SPECC1L: variants seen among roughly 807,000 people sequenced by gnomAD.
SPECC1L encodes sperm antigen with calponin homology and coiled-coil domains 1 like.
In SPECC1L, 40 loss-of-function variants were observed where a neutral mutation model predicts 116.8. The observed-to-expected ratio is 0.34, with a 90% confidence interval of 0.27 to 0.45. The LOEUF (loss-of-function observed/expected upper bound fraction) is 0.45, where lower values mean the gene tolerates loss of function less well. SPECC1L is among the 20% of genes least tolerant of loss of function. The pLI is 1.00. For missense variants in SPECC1L, 1,110 were observed against 1,373.6 expected (o/e 0.81, Z 3.03); for synonymous variants, 504 against 500.6 (o/e 1.01, Z -0.09).
intron 14 of SPECC1L, among the ~76,000 whole-genome samples, chr22:24,383,792 A>ATTTTTTTTTTTTTTTTTTTTTTTT: frequency 1.3e-5 from 1 of 77,334 alleles, no homozygotes; most frequent in Admixed American, 1.4e-4. Flanking sequence ...ACCCACCACT[A>ATTTTTTTTTTTTTTTTTTTTTTTT]TTTTTTTTTT....
chr22:24,317,584 G>T (rs1181322782), intron 4 of SPECC1L, among the ~76,000 whole-genome samples: 1 of 142,734 alleles, frequency 7.0e-6, no homozygotes, highest in Non-Finnish European at 1.5e-5. Flanking sequence ...CTCGCCTCCC[G>T]GACGGGGCGG....
intron 14 of SPECC1L, among the ~76,000 whole-genome samples, chr22:24,405,719 A>C (rs977401415): frequency 1.3e-5 from 2 of 151,938 alleles, no homozygotes; most frequent in African/African-American, 4.8e-5. Context: ...GGGTGCTTAC[A>C]ATCCCAGCTA....
intron 13 of SPECC1L, among the ~76,000 whole-genome samples, chr22:24,368,309 G>A (rs560420271): frequency 1.1e-4 from 16 of 152,250 alleles, no homozygotes; most frequent in African/African-American, 3.9e-4. Flanking sequence ...ATTGCCTACT[G>A]CCTGCACATT....
chr22:24,307,972 A>G (rs2049535054), intron 3 of SPECC1L, among the ~76,000 whole-genome samples: 1 of 152,126 alleles, frequency 6.6e-6, no homozygotes, highest in Admixed American at 6.5e-5. Context: ...GACTAGTACT[A>G]AGAATTCCAG....
Position 24,376,034 on chromosome 22 carries a change from C to A in SPECC1L, c.3087+6714C>A, listed in dbSNP as rs189533408. Reference sequence around the variant, plus strand: ...TTAATGGTGAAGACTGAAAGCTTTCCCCTTAAGATCAGGAACAAGAAAGAA... The same window carrying A: ...TTAATGGTGAAGACTGAAAGCTTTCACCTTAAGATCAGGAACAAGAAAGAA... On this transcript the variant is annotated intron_variant, in intron 14 of 16. Coordinates refer to ENST00000314328, the MANE Select transcript of SPECC1L (RefSeq NM_015330.6). Among the ~76,000 whole-genome samples, 946 of 152,182 alleles carry A rather than the reference C, an allele frequency of 6.2e-3. 4 individuals carry two copies. Among genetic ancestry groups the A allele is most frequent in the Non-Finnish European group, 0.011 (740 of 68,004 alleles).
chr22:24,298,489 C>T (rs1173644760), intron 2 of SPECC1L, among the ~76,000 whole-genome samples: 1 of 152,110 alleles, frequency 6.6e-6, no homozygotes, highest in Non-Finnish European at 1.5e-5. Flanking sequence ...TTGGCTCATG[C>T]AATTATGGAG....
chr22:24,379,495 ATTC>A (rs1201630740), intron 14 of SPECC1L, among the ~76,000 whole-genome samples: 1 of 152,218 alleles, frequency 6.6e-6, no homozygotes, highest in East Asian at 1.9e-4. Context: ...TGCCTCTTGG[ATTC>A]TTCTATGTTT....
intron 3 of SPECC1L, 70 bp downstream of exon 3, chr22:24,302,454 T>C: frequency 6.3e-7 from 1 of 1,585,440 alleles, no homozygotes; most frequent in East Asian, 2.2e-5. Context: ...GTTTAATATA[T>C]TAAATGAGCA....
At chr22:24,330,517 TG>T in intron 8 of SPECC1L, 86 bp downstream of exon 8, 1 of 1,455,860 alleles carries the variant, frequency 6.9e-7, no homozygotes, top group South Asian at 1.2e-5. Context: ...ATGGAAAAAA[TG>T]TGGAGTTTGA....
chr22:24,280,835 A>C (rs369566981), intron 2 of SPECC1L, among the ~76,000 whole-genome samples: 2 of 151,830 alleles, frequency 1.3e-5, no homozygotes, highest in Non-Finnish European at 2.9e-5. Context: ...TCTCCACCCT[A>C]CTCGGCCACC....
chr22:24,326,060 T>C (rs1305080689), intron 6 of SPECC1L, among the ~76,000 whole-genome samples: 2 of 152,108 alleles, frequency 1.3e-5, no homozygotes, highest in African/African-American at 4.8e-5. Flanking sequence ...TTCAAGCGAT[T>C]CTCCTGCTTC....
At chr22:24,376,175 G>T (rs147848479) in intron 14 of SPECC1L, among the ~76,000 whole-genome samples, 1 of 152,244 alleles carries the variant, frequency 6.6e-6, no homozygotes, top group African/African-American at 2.4e-5. Context: ...ATCTCTATTT[G>T]CAGATGATGT....
At chr22:24,376,799 A>G (rs78947862) in intron 14 of SPECC1L, among the ~76,000 whole-genome samples, 6,348 of 152,098 alleles carry the variant, frequency 0.042, 445 homozygotes, top group African/African-American at 0.14. Flanking sequence ...CATAAGTGAA[A>G]ATTACACAAT....
chr22:24,396,185 A>G (rs559475757), intron 14 of SPECC1L, among the ~76,000 whole-genome samples: 8 of 152,338 alleles, frequency 5.3e-5, no homozygotes, highest in African/African-American at 1.7e-4. Flanking sequence ...TAAACCAGTC[A>G]TGAAATACAT....
intron 14 of SPECC1L, among the ~76,000 whole-genome samples, chr22:24,385,732 C>T (rs968943427): frequency 6.6e-6 from 1 of 152,182 alleles, no homozygotes; most frequent in African/African-American, 2.4e-5. Flanking sequence ...TCATATGCAT[C>T]AGGTAACATA....
intron 15 of SPECC1L, chr22:24,412,429 G>C (rs888466321): frequency 1.6e-5 from 10 of 629,588 alleles, no homozygotes; most frequent in Non-Finnish European, 2.6e-5. Flanking sequence ...AACGGGTGTT[G>C]GTGGGTCACT....
chr22:24,306,429 G>C (rs187926847), intron 3 of SPECC1L, among the ~76,000 whole-genome samples: 1 of 151,378 alleles, frequency 6.6e-6, no homozygotes, highest in East Asian at 2.0e-4. Context: ...TGCCCAGGCT[G>C]GAGTACAATG....
intron 9 of SPECC1L, among the ~76,000 whole-genome samples, chr22:24,337,703 CTG>C (rs769518937): frequency 5.9e-5 from 9 of 152,168 alleles, no homozygotes; most frequent in Non-Finnish European, 1.0e-4. Context: ...TCTTTCCACA[CTG>C]TGTGTTTGTA....
intron 14 of SPECC1L, among the ~76,000 whole-genome samples, chr22:24,397,258 A>G (rs1261220651): frequency 6.6e-6 from 1 of 152,218 alleles, no homozygotes; most frequent in Non-Finnish European, 1.5e-5. Context: ...TTCTGTAAGC[A>G]ATAAAATAAG....
Sources: allele counts gnomAD v4.1 joint callset (sites outside exome capture counted in the v4.1 genomes callset), GRCh38; gene constraint gnomAD v4.1.1; transcripts MANE v1.5; gene names NCBI Gene and HGNC (gene_info 2026-07-23, HGNC 2026-07-21).